NUP62CL: variants seen among roughly 807,000 people sequenced by gnomAD.
NUP62CL encodes nucleoporin-62 C-terminal-like protein.
A neutral mutation model predicts 15.3 loss-of-function variants in NUP62CL; 13 were observed. The observed-to-expected ratio is 0.85, with a 90% CI of 0.55 to 1.35. The LOEUF (loss-of-function observed/expected upper bound fraction) is 1.35. NUP62CL is among the 40% of genes most tolerant of loss of function. NUP62CL has a pLI of 0.00. For missense variants in NUP62CL, 123 were observed against 130.6 expected (o/e 0.94, Z 0.28); for synonymous variants, 54 against 49.2 (o/e 1.10, Z -0.41).
chrX:107,131,442 T>C (rs1358393847), intron 8 of NUP62CL, among the ~76,000 whole-genome samples: 1 of 112,317 alleles, frequency 8.9e-6, no homozygotes, highest in Non-Finnish European at 1.9e-5. Flanking sequence ...GGGATATCTA[T>C]GTGCAGATGT....
intron 7 of NUP62CL, among the ~76,000 whole-genome samples, chrX:107,148,758 C>T (rs1259142136): frequency 4.5e-5 from 5 of 110,592 alleles, no homozygotes; most frequent in African/African-American, 1.6e-4. Flanking sequence ...AACTTTTAGA[C>T]ATTAGGTGGT....
intron 4 of NUP62CL, among the ~76,000 whole-genome samples, chrX:107,164,978 G>C (rs1160975329): frequency 3.6e-5 from 4 of 112,343 alleles, no homozygotes; most frequent in African/African-American, 6.5e-5. Flanking sequence ...GCGGGTGCCT[G>C]CAGTCCCAGC....
intron 1 of NUP62CL, among the ~76,000 whole-genome samples, chrX:107,205,796 C>T (rs1300331147): frequency 1.8e-5 from 2 of 110,723 alleles, no homozygotes; most frequent in African/African-American, 6.6e-5. Flanking sequence ...CTAGCAGTGG[C>T]AAGCGAGCGG....
intron 8 of NUP62CL, among the ~76,000 whole-genome samples, chrX:107,125,386 G>T (rs1369026511): frequency 9.0e-6 from 1 of 110,801 alleles, no homozygotes; most frequent in African/African-American, 3.3e-5. Context: ...AGTTATATTT[G>T]GTTTTTTACT....
chrX:107,167,877 T>C, intron 3 of NUP62CL, 93 bp from the exon 4 acceptor site: 1 of 846,490 alleles, frequency 1.2e-6, no homozygotes, highest in Non-Finnish European at 1.6e-6. Flanking sequence ...GAGGCATTTT[T>C]AAAAATACAA....
chrX:107,128,250 T>C (rs774062713), intron 8 of NUP62CL, among the ~76,000 whole-genome samples: 69 of 112,336 alleles, frequency 6.1e-4, no homozygotes, highest in Non-Finnish European at 1.1e-3. Flanking sequence ...TACCTAACAA[T>C]GGGCTATTAA....
intron 2 of NUP62CL, among the ~76,000 whole-genome samples, chrX:107,191,492 G>A (rs1236235945): frequency 9.1e-6 from 1 of 109,959 alleles, no homozygotes; most frequent in African/African-American, 3.3e-5. Flanking sequence ...GGTGGATCAC[G>A]AGGTCAGGAG....
At chrX:107,202,728 G>T (rs185812697) in intron 1 of NUP62CL, 2 of 104,363 alleles carry the variant, frequency 1.9e-5, no homozygotes, top group East Asian at 5.9e-4. Context: ...GGGCCCAGTG[G>T]CTCACACCTG....
At chrX:107,132,401 A>G (rs1048682897) in intron 8 of NUP62CL, 34 of 424,599 alleles carry the variant, frequency 8.0e-5, no homozygotes, top group African/African-American at 6.7e-4. Context: ...ATACACACAT[A>G]TCCAGTCATA....
intron 2 of NUP62CL, among the ~76,000 whole-genome samples, chrX:107,177,914 G>A (rs1243070354): frequency 9.0e-6 from 1 of 111,370 alleles, no homozygotes; most frequent in Non-Finnish European, 1.9e-5. Context: ...AATATTCATA[G>A]CAGTATTATT....
chrX:107,180,391 A>C (rs932577329), intron 2 of NUP62CL, among the ~76,000 whole-genome samples: 4 of 111,962 alleles, frequency 3.6e-5, no homozygotes, highest in African/African-American at 1.3e-4. Flanking sequence ...TATGTAAACA[A>C]CCCAAATGGC....
intron 8 of NUP62CL, 100 bp from the exon 9 acceptor site, chrX:107,124,432 A>G (rs928343147): frequency 3.2e-6 from 1 of 315,485 alleles, no homozygotes; most frequent in Non-Finnish European, 6.2e-6. Context: ...AAAATTTTAC[A>G]TAGCAATTTC....
At chrX:107,191,037 CTT>C (rs531150438) in intron 2 of NUP62CL, among the ~76,000 whole-genome samples, 1 of 97,766 alleles carries the variant, frequency 1.0e-5, no homozygotes, top group African/African-American at 3.7e-5. Context: ...TGTTGTCCAA[CTT>C]TTTTTTTTTT....
At chrX:107,179,101 A>G (rs1000948761) in intron 2 of NUP62CL, among the ~76,000 whole-genome samples, 4 of 110,085 alleles carry the variant, frequency 3.6e-5, no homozygotes, top group South Asian at 7.8e-4. Flanking sequence ...CTCAAAAAAA[A>G]AAAAGAAAAG....
At chrX:107,142,894 A>G (rs1925806453) in intron 8 of NUP62CL, among the ~76,000 whole-genome samples, 3 of 112,179 alleles carry the variant, frequency 2.7e-5, no homozygotes, top group Non-Finnish European at 5.6e-5. Flanking sequence ...CAAAGAGAAT[A>G]ACAAGAGGGG....
rs771310795 is a variant in NUP62CL, at chrX:107,175,470, C to T, written c.-47-277G>A. Among the ~76,000 whole-genome samples, 219 of 111,971 alleles carry T rather than the reference C, an allele frequency of 2.0e-3. 1 individual carries two copies. Among genetic ancestry groups the T allele is most frequent in the Non-Finnish European group, 3.8e-3 (203 of 53,219 alleles). ...TAAGAGGGGGGATCCACTTCCAGAACTGCAGCATAAAAAGTCCCATGGACC... is the reference window on the plus strand; with the variant it reads ...TAAGAGGGGGGATCCACTTCCAGAATTGCAGCATAAAAAGTCCCATGGACC... On this transcript the variant is annotated intron_variant, in intron 2 of 8. Coordinates refer to ENST00000372466, the MANE Select transcript of NUP62CL (RefSeq NM_017681.3).
intron 2 of NUP62CL, among the ~76,000 whole-genome samples, chrX:107,191,927 T>C (rs1927253080): frequency 8.9e-6 from 1 of 111,921 alleles, no homozygotes; most frequent in Admixed American, 9.5e-5. Context: ...ATATTTAAAT[T>C]AATCCTCCTA....
At chrX:107,196,181 A>C (rs987329385) in intron 1 of NUP62CL, among the ~76,000 whole-genome samples, 13 of 112,052 alleles carry the variant, frequency 1.2e-4, no homozygotes, top group Non-Finnish European at 5.6e-5. Context: ...TGCCTTAGAA[A>C]TTTGAGAAAT....
intron 8 of NUP62CL, among the ~76,000 whole-genome samples, chrX:107,130,656 T>C (rs1327591361): frequency 2.7e-5 from 3 of 111,328 alleles, no homozygotes; most frequent in African/African-American, 9.8e-5. Context: ...AATTAAGGAC[T>C]GTAGTATGGA....
Sources: gnomAD v4.1 joint callset for allele counts (sites outside exome capture counted in the v4.1 genomes callset) on GRCh38, gnomAD v4.1.1 for gene constraint, MANE v1.5 for transcripts, NCBI Gene and HGNC (gene_info 2026-07-23, HGNC 2026-07-21) for gene names.